Variants in SVEP1 observed in about 807,000 individuals in gnomAD.
SVEP1 encodes the protein sushi, von Willebrand factor type A, EGF and pentraxin domain-containing protein 1.
A neutral mutation model predicts 367.3 loss-of-function variants in SVEP1; 164 were observed. That is an observed-to-expected ratio of 0.45 (90% CI 0.39 to 0.51). SVEP1 has a LOEUF of 0.51. SVEP1 is among the 20% of genes least tolerant of loss of function. The pLI is 0.00. For missense variants in SVEP1, 4,117 were observed against 4,425.3 expected, an observed-to-expected ratio of 0.93 and a Z score of 1.98; for synonymous variants, 1,666 against 1,611.6, an observed-to-expected ratio of 1.03 and a Z score of -0.81.
At chr9:110,389,438 A>C in intron 41 of SVEP1, 86 bp downstream of exon 41, 1 of 1,519,986 alleles carries the variant, frequency 6.6e-7, no homozygotes. Flanking sequence ...TTAATTACAA[A>C]ACTAACCTAT....
chr9:110,427,139 A>T (rs908775848), intron 36 of SVEP1, among the ~76,000 whole-genome samples: 1 of 151,880 alleles, frequency 6.6e-6, no homozygotes, highest in Non-Finnish European at 1.5e-5. Flanking sequence ...CTCTACTAAA[A>T]ATACAAAAAG....
intron 36 of SVEP1, among the ~76,000 whole-genome samples, chr9:110,422,996 G>A (rs1588045413): frequency 7.8e-6 from 1 of 128,514 alleles, no homozygotes; most frequent in South Asian, 2.7e-4. Flanking sequence ...GGGAGGGATA[G>A]CATTGGGAGA....
At chr9:110,460,205 A>G (rs1828836151) in intron 18 of SVEP1, among the ~76,000 whole-genome samples, 1 of 152,200 alleles carries the variant, frequency 6.6e-6, no homozygotes, top group Admixed American at 6.5e-5. Context: ...AAATGTATAA[A>G]TATTTGGAAT....
intron 26 of SVEP1, among the ~76,000 whole-genome samples, chr9:110,444,655 G>A (rs1170874069): frequency 1.3e-5 from 2 of 152,022 alleles, no homozygotes; most frequent in Non-Finnish European, 1.5e-5. Context: ...AAATCAAATG[G>A]AGAAAAAGAA....
intron 3 of SVEP1, among the ~76,000 whole-genome samples, chr9:110,534,241 A>T (rs1200664865): frequency 6.6e-6 from 1 of 152,108 alleles, no homozygotes; most frequent in Non-Finnish European, 1.5e-5. Context: ...ATGACGTCTC[A>T]TCATTTAGCT....
At chr9:110,565,308 T>C (rs1038347459) in intron 1 of SVEP1, among the ~76,000 whole-genome samples, 4 of 152,200 alleles carry the variant, frequency 2.6e-5, no homozygotes, top group Non-Finnish European at 4.4e-5. Context: ...GTAGGCTGAA[T>C]GATTATTTGA....
Position 110,458,970 on chromosome 9 carries a change from A to T in SVEP1, c.3466T>A (p.Ser1156Thr), listed in dbSNP as rs755907383. Residue 1156 changes from serine (S) to threonine (T), a missense_variant, in exon 19 of 48, where the codon TCC becomes ACC. Ser to Thr is a moderately conservative substitution (Grantham distance 58). Transcript: ENST00000374469. ...ATCTTACTTGAACATTCTGTGATGG[A>T]TCTGGAACCAGCGAATGGGGTAGTT... is the stretch of plus-strand genomic sequence containing the variant. ...YGTTPFAGSR[S>T]ITECSSFSST... 1 of 1,613,554 alleles carries T rather than the reference A, an allele frequency of 6.2e-7. No homozygotes were observed. The highest frequency in any genetic ancestry group is 1.1e-5 in the South Asian group (1 of 91,052).
intron 42 of SVEP1, 64 bp from the exon 43 acceptor site, chr9:110,386,138 A>C: frequency 6.5e-7 from 1 of 1,547,922 alleles, no homozygotes; most frequent in Non-Finnish European, 8.7e-7. Flanking sequence ...ATTTCTTTGA[A>C]GGTGGAGTAG....
intron 18 of SVEP1, among the ~76,000 whole-genome samples, chr9:110,464,269 C>T (rs544934491): frequency 3.3e-5 from 5 of 152,284 alleles, no homozygotes; most frequent in African/African-American, 1.2e-4. Flanking sequence ...TTATGCGTTT[C>T]AGTTAGGCCC....
At chr9:110,440,466 A>G (rs185631643) in intron 27 of SVEP1, among the ~76,000 whole-genome samples, 2 of 152,326 alleles carry the variant, frequency 1.3e-5, no homozygotes, top group East Asian at 1.9e-4. Flanking sequence ...CGACAATACC[A>G]GGCACTGGAC....
chr9:110,428,198 C>T (rs1228310222), intron 35 of SVEP1, among the ~76,000 whole-genome samples: 2 of 152,126 alleles, frequency 1.3e-5, no homozygotes, highest in Non-Finnish European at 1.5e-5. Flanking sequence ...AACCATGCTG[C>T]CCCTGACTCT....
intron 42 of SVEP1, 108 bp from the exon 43 acceptor site, chr9:110,386,182 C>G (rs1179122632): frequency 2.5e-6 from 3 of 1,207,322 alleles, no homozygotes; most frequent in Non-Finnish European, 3.3e-6. Flanking sequence ...CAATAATGAT[C>G]ATATAAGGTT....
chr9:110,472,465 A>G, intron 14 of SVEP1, 142 bp from the exon 15 acceptor site: 1 of 681,498 alleles, frequency 1.5e-6, no homozygotes, highest in South Asian at 3.0e-5. Context: ...GGTTTGGTCT[A>G]CAATGTTATA....
At chr9:110,366,821 C>A (rs1437534142) in intron 47 of SVEP1, among the ~76,000 whole-genome samples, 1 of 152,184 alleles carries the variant, frequency 6.6e-6, no homozygotes, top group African/African-American at 2.4e-5. Context: ...ATCTATCTTA[C>A]AATTCTCTCT....
At chr9:110,398,628 A>G (rs904140066) in intron 40 of SVEP1, among the ~76,000 whole-genome samples, 1 of 152,228 alleles carries the variant, frequency 6.6e-6, no homozygotes, top group Non-Finnish European at 1.5e-5. Flanking sequence ...TCTACAATGA[A>G]CACAAACAAA....
chr9:110,387,888 C>A (rs1410044), intron 41 of SVEP1, among the ~76,000 whole-genome samples: 34,720 of 152,090 alleles, frequency 0.23, 4,223 homozygotes, highest in African/African-American at 0.31. Context: ...ATAACAAATA[C>A]ATTTTTAGTA....
chr9:110,577,540 G>A (rs1170588722), intron 1 of SVEP1, among the ~76,000 whole-genome samples: 1 of 152,110 alleles, frequency 6.6e-6, no homozygotes, highest in African/African-American at 2.4e-5. Flanking sequence ...TTTGGGAAAT[G>A]AGAGAGCTAT....
chr9:110,457,042 T>C (rs1279810125), intron 21 of SVEP1, among the ~76,000 whole-genome samples: 1 of 152,214 alleles, frequency 6.6e-6, no homozygotes, highest in East Asian at 1.9e-4. Flanking sequence ...AAGATGAGTC[T>C]TTATTCTTTA....
intron 1 of SVEP1, among the ~76,000 whole-genome samples, chr9:110,553,579 AAGG>A (rs1324279668): frequency 6.6e-6 from 1 of 152,152 alleles, no homozygotes; most frequent in African/African-American, 2.4e-5. Flanking sequence ...GCTGGGAGAG[AAGG>A]AGGTCACTTT....
Sources: allele counts gnomAD v4.1 joint callset (sites outside exome capture counted in the v4.1 genomes callset), GRCh38; gene constraint gnomAD v4.1.1; transcripts MANE v1.5; gene names NCBI Gene and HGNC (gene_info 2026-07-23, HGNC 2026-07-21).